DNAJB6: variants seen among roughly 807,000 people sequenced by gnomAD.
The protein encoded by DNAJB6 is dnaJ homolog subfamily B member 6.
DNAJB6 carries 16 observed loss-of-function variants against 42.7 expected under a neutral mutation model. That is an observed-to-expected ratio of 0.37 (90% CI 0.25 to 0.57). The LOEUF is 0.57. DNAJB6 is among the 20% of genes least tolerant of loss of function. The pLI is 0.74. For missense variants in DNAJB6, 347 were observed against 416.8 expected (o/e 0.83, Z 1.46); for synonymous variants, 170 against 163.5 (o/e 1.04, Z -0.30).
At chr7:157,346,793 C>G (rs1479304939) in intron 1 of DNAJB6, among the ~76,000 whole-genome samples, 1 of 152,218 alleles carries the variant, frequency 6.6e-6, no homozygotes, top group African/African-American at 2.4e-5. Flanking sequence ...AGCACTTCAG[C>G]CAGCTCTGCA....
At chr7:157,391,129 C>T (rs12533784) in intron 8 of DNAJB6, among the ~76,000 whole-genome samples, 66,443 of 152,034 alleles carry the variant, frequency 0.44, 14,819 homozygotes, top group African/African-American at 0.53. Flanking sequence ...AGCCCCCACT[C>T]CCAGCCCAGA....
At chr7:157,379,255 G>A (rs1584920834) in intron 5 of DNAJB6, 2 of 152,090 alleles carry the variant, frequency 1.3e-5, no homozygotes, top group South Asian at 2.1e-4. Flanking sequence ...ACTGAGACAC[G>A]GGTTCAAGAT....
intron 1 of DNAJB6, among the ~76,000 whole-genome samples, chr7:157,346,316 T>TTTAAAAAAA: frequency 8.5e-6 from 1 of 117,712 alleles, no homozygotes; most frequent in East Asian, 2.5e-4. Flanking sequence ...CAAGGAGTAG[T>TTTAAAAAAA]AAAAAAAAAA....
intron 9 of DNAJB6, chr7:157,412,615 C>T (rs1268589415): frequency 6.6e-6 from 1 of 152,230 alleles, no homozygotes; most frequent in Admixed American, 6.5e-5. Flanking sequence ...GGCCAGGCCT[C>T]TGGGTGCCTG....
At chr7:157,367,589 G>A (rs1799906057) in intron 5 of DNAJB6, 106 bp downstream of exon 5, 11 of 758,954 alleles carry the variant, frequency 1.4e-5, no homozygotes, top group Admixed American at 5.7e-5. Flanking sequence ...GGCTGGGCGC[G>A]GTGGCTCATG....
rs866404994 is a variant in DNAJB6, at chr7:157,357,268, T to G, written c.-26-1279T>G. 3.7e-3 allele frequency among the ~76,000 whole-genome samples: 283 copies of G among 77,494 alleles called. 31 individuals carry two copies. Among genetic ancestry groups the G allele is most frequent in the East Asian group, 0.022 (38 of 1,708 alleles). 50.8% of individuals were successfully genotyped at this position (77,494 alleles called of 152,430 possible). Reference sequence around the variant, plus strand: ...CTTCCTTCCTTCCTTCCTTCCGTCCTTCCTTCCGTCCTTCCTTCCGTCCTT... The same window carrying G: ...CTTCCTTCCTTCCTTCCTTCCGTCCGTCCTTCCGTCCTTCCTTCCGTCCTT... On this transcript the variant is annotated intron_variant, in intron 1 of 9. Coordinates refer to ENST00000262177, the MANE Select transcript of DNAJB6 (RefSeq NM_058246.4).
chr7:157,350,937 CT>C (rs200395534), intron 1 of DNAJB6, among the ~76,000 whole-genome samples: 2,460 of 127,462 alleles, frequency 0.019, 106 homozygotes, highest in East Asian at 0.19. Flanking sequence ...TTTGTCCAGT[CT>C]TTTTTTTTTT....
intron 8 of DNAJB6, among the ~76,000 whole-genome samples, chr7:157,388,743 A>C: frequency 6.6e-6 from 1 of 152,064 alleles, no homozygotes; most frequent in South Asian, 2.1e-4. Flanking sequence ...CCCAAAGTGT[A>C]GTTTTTTAAT....
intron 8 of DNAJB6, among the ~76,000 whole-genome samples, chr7:157,405,264 G>A (rs1188377062): frequency 1.3e-5 from 2 of 152,336 alleles, no homozygotes; most frequent in African/African-American, 2.4e-5. Context: ...TGTCCTGGGG[G>A]CTCTTTGCCA....
chr7:157,369,094 C>T (rs915445159), intron 5 of DNAJB6: 15 of 365,040 alleles, frequency 4.1e-5, no homozygotes, highest in Non-Finnish European at 2.7e-5. Context: ...CAAGCATTTT[C>T]AGGGAAACTG....
At chr7:157,375,700 C>G (rs1340906756) in intron 5 of DNAJB6, among the ~76,000 whole-genome samples, 1 of 152,174 alleles carries the variant, frequency 6.6e-6, no homozygotes, top group African/African-American at 2.4e-5. Context: ...TTCCAGATTC[C>G]TAACAGTTAG....
At chr7:157,399,104 G>C (rs1438784873) in intron 8 of DNAJB6, among the ~76,000 whole-genome samples, 2 of 151,956 alleles carry the variant, frequency 1.3e-5, no homozygotes, top group East Asian at 3.9e-4. Flanking sequence ...AGGTTAATTT[G>C]TGAGAAGTTG....
At position 157,405,027 on chromosome 7, in the gene DNAJB6, T is replaced by C. The variant is rs1040299286; in HGVS notation, c.692-4768T>C. On this transcript the variant is annotated intron_variant, in intron 8 of 9. Coordinates refer to ENST00000262177, the MANE Select transcript of DNAJB6 (RefSeq NM_058246.4). ...GCCCTTCCCCGCATGAAAGGACTGA[T>C]GGAATCCTCAGAACTGCAGGCATGT... Among the ~76,000 whole-genome samples the C allele has an allele frequency of 6.6e-5, 10 of 152,204 alleles. 1 individual carries two copies. Among genetic ancestry groups the C allele is most frequent in the Non-Finnish European group, 1.5e-4 (10 of 68,026 alleles).
At position 157,356,538 on chromosome 7, in the gene DNAJB6, A is replaced by G. The variant is rs115348758; in HGVS notation, c.-26-2009A>G. On this transcript the variant is annotated intron_variant, in intron 1 of 9. Transcript: ENST00000262177. ...ACCAGGGAGGAAATCTTTCATAACT[A>G]GGGGTTCCTTACCTTGTAACTTATT... Among the ~76,000 whole-genome samples the G allele has an allele frequency of 4.2e-3, 642 of 152,324 alleles. 5 individuals carry two copies. The highest frequency in any genetic ancestry group is 0.015 in the African/African-American group (612 of 41,574).
chr7:157,386,287 C>T (rs1045749732), intron 8 of DNAJB6: 13 of 984,132 alleles, frequency 1.3e-5, no homozygotes, highest in East Asian at 1.1e-4. Context: ...AAAATAAATG[C>T]GAATGTGTTG....
intron 1 of DNAJB6, among the ~76,000 whole-genome samples, chr7:157,355,737 C>A (rs1035683191): frequency 1.3e-5 from 2 of 152,154 alleles, no homozygotes; most frequent in African/African-American, 4.8e-5. Context: ...GGCTCTCATA[C>A]TGCCTTTATG....
intron 1 of DNAJB6, among the ~76,000 whole-genome samples, chr7:157,354,714 G>A (rs1799183593): frequency 6.6e-6 from 1 of 152,274 alleles, no homozygotes; most frequent in East Asian, 1.9e-4. Context: ...GTAGGTCAGG[G>A]TAAGGGATAA....
chr7:157,345,640 T>C (rs1798645929), intron 1 of DNAJB6, among the ~76,000 whole-genome samples: 6 of 152,226 alleles, frequency 3.9e-5, no homozygotes, highest in Admixed American at 3.9e-4. Context: ...CCCACTTGTC[T>C]GTTTCGGCTT....
At chr7:157,373,149 A>G (rs1003701771) in intron 5 of DNAJB6, among the ~76,000 whole-genome samples, 7 of 152,200 alleles carry the variant, frequency 4.6e-5, no homozygotes, top group East Asian at 3.8e-4. Context: ...TTGATAATCT[A>G]TAAAGAGCCT....
Sources: allele counts gnomAD v4.1 joint callset (sites outside exome capture counted in the v4.1 genomes callset), GRCh38; gene constraint gnomAD v4.1.1; transcripts MANE v1.5; gene names NCBI Gene and HGNC (gene_info 2026-07-23, HGNC 2026-07-21).